ATP8A1: variants seen among roughly 807,000 people sequenced by gnomAD.
The protein encoded by ATP8A1 is phospholipid-transporting ATPase IA.
A neutral mutation model predicts 177.7 loss-of-function variants in ATP8A1; 90 were observed. The ratio of observed to expected loss-of-function variants is 0.51; its 90% CI spans 0.43 to 0.60. The LOEUF (loss-of-function observed/expected upper bound fraction) is 0.60. Among genes scored for constraint, ATP8A1 ranks in the 20% least tolerant of loss-of-function variants. The pLI is 0.00. For synonymous variants in ATP8A1, 493 were observed against 485.9 expected (o/e 1.01, Z -0.19); for missense variants, 1,072 against 1,392.8 (o/e 0.77, Z 3.67).
intron 7 of ATP8A1, among the ~76,000 whole-genome samples, chr4:42,588,783 C>T (rs551698088): frequency 6.6e-6 from 1 of 152,244 alleles, no homozygotes; most frequent in African/African-American, 2.4e-5. Context: ...ATTGCTAGTT[C>T]TACAAACCTG....
chr4:42,413,522 G>A (rs935876871), intron 36 of ATP8A1, among the ~76,000 whole-genome samples: 5 of 152,196 alleles, frequency 3.3e-5, no homozygotes, highest in African/African-American at 1.2e-4. Context: ...ATCCACGGAT[G>A]CTTAAATCCT....
rs199910712 is a variant in ATP8A1, at chr4:42,464,926, C to T, written c.2475G>A (p.Gln825=). The T allele has an allele frequency of 1.1e-4, 172 of 1,614,080 alleles. No homozygotes were observed. The highest frequency in any genetic ancestry group is 1.4e-4 in the Non-Finnish European group (167 of 1,180,024). The change falls in exon 26 of 37, where the codon CAG becomes CAA. Residue 825 remains glutamine (Q), a synonymous_variant. Coordinates refer to ENST00000381668, the MANE Select transcript of ATP8A1 (RefSeq NM_006095.2). ...GVGISGNEGL[Q]AANSSDYSIA... is the part of the protein sequence containing the mutation. ...TGGAGTAGTCAGAGGAATTAGCTGC[C>T]TGCAGGCCTTCATTGCCACTGATAC...
chr4:42,529,540 CAAGT>C (rs1727048180), intron 20 of ATP8A1, among the ~76,000 whole-genome samples: 2 of 152,292 alleles, frequency 1.3e-5, no homozygotes, highest in African/African-American at 4.8e-5. Context: ...CCTGAAGGCA[CAAGT>C]AAGTTATGTG....
intron 9 of ATP8A1, among the ~76,000 whole-genome samples, chr4:42,586,035 T>C (rs968871216): frequency 1.3e-5 from 2 of 152,124 alleles, no homozygotes; most frequent in African/African-American, 2.4e-5. Context: ...GGCCAAAGAA[T>C]AGAATAAGCC....
At chr4:42,447,402 C>T (rs1717398992) in intron 30 of ATP8A1, among the ~76,000 whole-genome samples, 1 of 151,960 alleles carries the variant, frequency 6.6e-6, no homozygotes, top group Non-Finnish European at 1.5e-5. Context: ...AGGCTGGTCT[C>T]GAACTCCTGG....
chr4:42,542,474 A>C (rs768269449), intron 20 of ATP8A1, among the ~76,000 whole-genome samples: 3 of 152,114 alleles, frequency 2.0e-5, no homozygotes, highest in Admixed American at 1.3e-4. Context: ...TTTAAGTTCT[A>C]GGGTACCTGC....
chr4:42,619,470 TTTGTTA>T (rs1737242849), intron 4 of ATP8A1, among the ~76,000 whole-genome samples: 1 of 152,158 alleles, frequency 6.6e-6, no homozygotes, highest in Non-Finnish European at 1.5e-5. Context: ...ATGTGTGTTA[TTTGTTA>T]TTAACACATA....
intron 26 of ATP8A1, 24 bp from the exon 27 acceptor site, chr4:42,464,824 T>C: frequency 6.2e-7 from 1 of 1,611,272 alleles, no homozygotes; most frequent in East Asian, 2.2e-5. Context: ...GGGAAAAAAT[T>C]AGTATTTTCC....
chr4:42,627,492 C>G (rs1309058740), intron 1 of ATP8A1, among the ~76,000 whole-genome samples: 1 of 152,156 alleles, frequency 6.6e-6, no homozygotes, highest in East Asian at 1.9e-4. Flanking sequence ...AAAATTAAAG[C>G]ATATGCATTT....
At chr4:42,457,561 G>T (rs767101854) in intron 27 of ATP8A1, among the ~76,000 whole-genome samples, 2 of 152,190 alleles carry the variant, frequency 1.3e-5, no homozygotes, top group Non-Finnish European at 2.9e-5. Context: ...TACCAAATTC[G>T]TCTAACGGAC....
chr4:42,490,108 G>C (rs1722594930), intron 24 of ATP8A1, among the ~76,000 whole-genome samples: 1 of 152,184 alleles, frequency 6.6e-6, no homozygotes, highest in African/African-American at 2.4e-5. Flanking sequence ...TGGAAAGTGA[G>C]ATTCTCGTGC....
Position 42,627,075 on chromosome 4 carries a change from G to C in ATP8A1, c.84C>G (p.Thr28=). 2.5e-6 allele frequency: 4 copies of C among 1,614,018 alleles called. No individual in the cohort carries two copies. The highest frequency in any genetic ancestry group is 3.4e-6 in the Non-Finnish European group (4 of 1,179,922). Residue 28 remains threonine (T), a synonymous_variant, in exon 2 of 37, where the codon ACC becomes ACG. Coordinates refer to ENST00000381668, the MANE Select transcript of ATP8A1 (RefSeq NM_006095.2). ...TTACTTCCTCCTGGTCAGCCAGTGA[G>C]GTCTTCTCTGAAACATCATCTGTCT... ...YEKTDDVSEK[T]SLADQEEVRT... is the part of the protein sequence containing the mutation.
chr4:42,467,562 G>A (rs1307076379), intron 25 of ATP8A1, among the ~76,000 whole-genome samples: 3 of 152,110 alleles, frequency 2.0e-5, no homozygotes, highest in South Asian at 4.2e-4. Context: ...GGATAGGGGC[G>A]CGTGCCTGTA....
At chr4:42,560,090 C>T (rs551014069) in intron 15 of ATP8A1, among the ~76,000 whole-genome samples, 1 of 152,184 alleles carries the variant, frequency 6.6e-6, no homozygotes, top group Non-Finnish European at 1.5e-5. Flanking sequence ...GGTGCATTTA[C>T]AAACAAAGGG....
intron 6 of ATP8A1, among the ~76,000 whole-genome samples, chr4:42,599,442 A>G (rs944868043): frequency 4.6e-5 from 7 of 152,216 alleles, no homozygotes; most frequent in Admixed American, 4.6e-4. Context: ...AACACAACCA[A>G]GGTATTTTCC....
chr4:42,494,867 C>T (rs1013875455), intron 24 of ATP8A1, among the ~76,000 whole-genome samples: 3 of 152,144 alleles, frequency 2.0e-5, no homozygotes, highest in African/African-American at 7.2e-5. Context: ...GTTTGTTTTG[C>T]TGACATGTTC....
chr4:42,455,714 T>C (rs1718411328), intron 27 of ATP8A1, 115 bp from the exon 28 acceptor site: 1 of 857,042 alleles, frequency 1.2e-6, no homozygotes, highest in Non-Finnish European at 1.8e-6. Context: ...ATTATACTCA[T>C]GACTCTTTTG....
At chr4:42,448,392 C>CTTACTTTACTTTT (rs1560335169) in intron 30 of ATP8A1, among the ~76,000 whole-genome samples, 20 of 19,932 alleles carry the variant, frequency 1.0e-3, no homozygotes, top group African/African-American at 1.6e-3. Context: ...CCCTCCTTCT[C>CTTACTTTACTTTT]TTTCTTTTCT....
At chr4:42,613,338 T>C (rs980147981) in intron 5 of ATP8A1, among the ~76,000 whole-genome samples, 6 of 151,498 alleles carry the variant, frequency 4.0e-5, no homozygotes, top group Non-Finnish European at 8.8e-5. Flanking sequence ...GAAAGTACAG[T>C]CCCCCCTCAA....
Sources: allele counts gnomAD v4.1 joint callset (sites outside exome capture counted in the v4.1 genomes callset), GRCh38; gene constraint gnomAD v4.1.1; transcripts MANE v1.5; gene names NCBI Gene and HGNC (gene_info 2026-07-23, HGNC 2026-07-21).